Variants in MAML1 observed in about 807,000 individuals in gnomAD.
MAML1 encodes the protein mastermind-like protein 1.
MAML1 carries 14 observed loss-of-function variants against 77.1 expected under a neutral mutation model. The observed-to-expected ratio is 0.18, with a 90% CI of 0.12 to 0.28. The LOEUF (loss-of-function observed/expected upper bound fraction) is 0.28, where lower values mean the gene tolerates loss of function less well. Ranked by LOEUF, MAML1 falls within the 10% of genes least tolerant of loss-of-function variation. The pLI, the probability that MAML1 is intolerant of heterozygous loss-of-function variation, is 1.00. For synonymous variants in MAML1, 516 were observed against 551.9 expected, an observed-to-expected ratio of 0.93 and a Z score of 0.91; for missense variants, 1,217 against 1,327.8, an observed-to-expected ratio of 0.92 and a Z score of 1.30.
At position 179,776,512 on chromosome 5, in the gene MAML1, C is replaced by T. The variant is rs534753606; in HGVS notation, c.*1635C>T. ...GCCATTTCTCCTTAAAACACCTTCCCTACCTTTCCCATGTACTCAGTTTAG... is the reference window on the plus strand; with the variant it reads ...GCCATTTCTCCTTAAAACACCTTCCTTACCTTTCCCATGTACTCAGTTTAG... On this transcript the variant is annotated 3_prime_UTR_variant, in exon 5 of 5. Coordinates refer to ENST00000292599, the MANE Select transcript of MAML1 (RefSeq NM_014757.5). 7 of 985,768 alleles carry T rather than the reference C, an allele frequency of 7.1e-6. No homozygotes were observed. The East Asian group carries it at 6.8e-4, about 96-fold the overall frequency. The allele number at this position is 985,768 out of a possible 1,614,324, so 61.1% of individuals were successfully genotyped here. A position where few individuals can be genotyped will look rare whatever the true frequency, so the allele number is the denominator to read the frequency against.
chr5:179,772,603 AC>A (rs1756027222), intron 4 of MAML1, among the ~76,000 whole-genome samples: 1 of 151,934 alleles, frequency 6.6e-6, no homozygotes, highest in Non-Finnish European at 1.5e-5. Flanking sequence ...TTTCTCTTCC[AC>A]CCTCTGCTGT....
intron 1 of MAML1, among the ~76,000 whole-genome samples, chr5:179,751,769 G>C (rs554231675): frequency 2.0e-5 from 3 of 151,608 alleles, no homozygotes; most frequent in Admixed American, 6.6e-5. Flanking sequence ...CCCAGCACTT[G>C]GGGAGGCTGA....
rs540764516 is a variant in MAML1, at chr5:179,769,211, G to A, written c.1971+122G>A. ...GCGCAGACTTGCGTGCCTGTTGTTA[G>A]AGTGCTTTGCCTTTTAAAAACATCT... On this transcript the variant is annotated intron_variant, in intron 3 of 4. Coordinates refer to ENST00000292599, the MANE Select transcript of MAML1 (RefSeq NM_014757.5). The surrounding 1 kb of genome is among the most constrained non-coding windows in gnomAD (Gnocchi z 4.2). The A allele has an allele frequency of 1.3e-4, 181 of 1,389,394 alleles. No individual in the cohort carries two copies. The highest frequency in any genetic ancestry group is 1.6e-4 in the Non-Finnish European group (167 of 1,015,806). 86.1% of individuals were successfully genotyped at this position (1,389,394 alleles called of 1,614,324 possible).
chr5:179,765,204 G>C, intron 1 of MAML1, 122 bp from the exon 2 acceptor site: 2 of 780,452 alleles, frequency 2.6e-6, no homozygotes, highest in South Asian at 3.6e-5. Flanking sequence ...AGAAATGGGA[G>C]TGTACACTAT....
chr5:179,749,634 A>G (rs755427898), intron 1 of MAML1, among the ~76,000 whole-genome samples: 11 of 152,198 alleles, frequency 7.2e-5, no homozygotes, highest in Non-Finnish European at 1.2e-4. Context: ...CACCAAATTG[A>G]AAGACTAAAT....
chr5:179,735,804 C>T (rs1052767083), intron 1 of MAML1, among the ~76,000 whole-genome samples: 5 of 152,116 alleles, frequency 3.3e-5, no homozygotes, highest in Non-Finnish European at 5.9e-5. Flanking sequence ...TCTCCTGCCT[C>T]AGCTTCCTGA....
At position 179,766,425 on chromosome 5, in the gene MAML1, A is replaced by G; in HGVS notation, c.1415A>G (p.Lys472Arg). Reference sequence around the variant, plus strand: ...CTGCTCATGATGCCTAGTGTGAATAAGAGTTCCCCTCGGCCCGGAGGCCCC... The same window carrying G: ...CTGCTCATGATGCCTAGTGTGAATAGGAGTTCCCCTCGGCCCGGAGGCCCC... ...SKLLMMPSVN[K>R]SSPRPGGPYL... The change falls in exon 2 of 5, where the codon AAG becomes AGG. Residue 472 changes from lysine (K) to arginine (R), a missense_variant. Coordinates refer to ENST00000292599, the MANE Select transcript of MAML1 (RefSeq NM_014757.5). The surrounding 1 kb of genome is among the most constrained non-coding windows in gnomAD (Gnocchi z 4.0). 1 of 1,612,988 alleles carries G rather than the reference A, an allele frequency of 6.2e-7. No individual in the cohort carries two copies.
chr5:179,763,960 G>T (rs1219481113), intron 1 of MAML1, among the ~76,000 whole-genome samples: 1 of 152,182 alleles, frequency 6.6e-6, no homozygotes, highest in Admixed American at 6.5e-5. Flanking sequence ...CAGGAAAGGA[G>T]CAGCATGTGT....
intron 1 of MAML1, among the ~76,000 whole-genome samples, chr5:179,735,844 C>A (rs552212865): frequency 6.6e-6 from 1 of 151,940 alleles, no homozygotes; most frequent in East Asian, 1.9e-4. Flanking sequence ...CACACTACCA[C>A]GCTTGGCTTA....
chr5:179,753,881 A>G (rs1779559930), intron 1 of MAML1, among the ~76,000 whole-genome samples: 2 of 151,790 alleles, frequency 1.3e-5, no homozygotes, highest in Admixed American at 6.6e-5. Context: ...CATGTTGGTC[A>G]AGCTGGTCTC....
chr5:179,738,552 C>A (rs1028117027), intron 1 of MAML1, among the ~76,000 whole-genome samples: 16 of 152,228 alleles, frequency 1.1e-4, no homozygotes, highest in Middle Eastern at 3.4e-3. Flanking sequence ...CCCTTCCCAA[C>A]TGAGTCTTTC....
chr5:179,752,878 A>G (rs1327386365), intron 1 of MAML1, among the ~76,000 whole-genome samples: 1 of 152,108 alleles, frequency 6.6e-6, no homozygotes, highest in East Asian at 1.9e-4. Flanking sequence ...GATTCAAGTG[A>G]TTCTCCAGTC....
rs903060822 is a variant in MAML1 at position 179,761,049 on chromosome 5, G to A, written c.316-4277G>A. 4.0e-5 allele frequency among the ~76,000 whole-genome samples: 6 copies of A among 150,362 alleles called. No homozygotes were observed. In the East Asian group the frequency reaches 8.0e-4, roughly 20 times the overall value. ...GTGGAGCTTGCAGTGAGCCGAGATC[G>A]CGCCACTGCACTCCAGCCTGGGTGA... On this transcript the variant is annotated intron_variant, in intron 1 of 4. Transcript: ENST00000292599.
chr5:179,764,148 C>G (rs72807319), intron 1 of MAML1, among the ~76,000 whole-genome samples: 7,138 of 152,212 alleles, frequency 0.047, 242 homozygotes, highest in African/African-American at 0.086. Flanking sequence ...GTGTGCTGCT[C>G]TCACTCTGTA....
chr5:179,775,535 G>A lies in MAML1; in HGVS notation c.*658G>A, dbSNP rs1414718067. On this transcript the variant is annotated 3_prime_UTR_variant, in exon 5 of 5. Transcript: ENST00000292599. ...TGACTGCGTATGCCAAAAAGGGACA[G>A]GAGGCATGGGATAGCAGGTCTGGTG... 3.0e-6 allele frequency: 3 copies of A among 985,264 alleles called. No homozygotes were observed. The highest frequency in any genetic ancestry group is 3.6e-6 in the Non-Finnish European group (3 of 829,938). The allele number at this position is 985,264 out of a possible 1,614,324, so 61.0% of individuals were successfully genotyped here.
chr5:179,753,247 G>A (rs967428040), intron 1 of MAML1, among the ~76,000 whole-genome samples: 1 of 152,078 alleles, frequency 6.6e-6, no homozygotes, highest in African/African-American at 2.4e-5. Flanking sequence ...GCGTGCTGGG[G>A]TGAAGGAGTC....
At chr5:179,768,556 T>C (rs1244330841) in intron 2 of MAML1, among the ~76,000 whole-genome samples, 2 of 152,278 alleles carry the variant, frequency 1.3e-5, no homozygotes, top group Non-Finnish European at 2.9e-5. Flanking sequence ...CTGGAACTAT[T>C]GTGTGCAAAT....
Position 179,771,378 on chromosome 5 carries a change from G to T in MAML1, c.2068+135G>T. The T allele has an allele frequency of 2.9e-6, 2 of 696,898 alleles. No homozygotes were observed. The allele number at this position is 696,898 out of a possible 1,614,324, so 43.2% of individuals were successfully genotyped here. A position where few individuals can be genotyped will look rare whatever the true frequency, so the allele number is the denominator to read the frequency against. ...ATTGTCATCATATACACCTCAGTTT[G>T]CCTAAGGGGCCTGGTTTTCTAGTTA... On this transcript the variant is annotated intron_variant, in intron 4 of 4. Transcript: ENST00000292599. This position sits in a 1 kb window ranked among gnomAD's most constrained non-coding sequence, Gnocchi z 4.7.
In MAML1 at chr5:179,777,120, C is replaced by G; in HGVS notation, c.*2243C>G. 1.0e-6 allele frequency: 1 copy of G among 985,700 alleles called. No homozygotes were observed. Among genetic ancestry groups the G allele is most frequent in the Non-Finnish European group, 1.2e-6 (1 of 829,806 alleles). The allele number at this position is 985,700 out of a possible 1,614,324, so 61.1% of individuals were successfully genotyped here. ...GGGGGAGCTATGATAAGTTTTATGGCAAACGGTTGGTATTGTTAACTTTTT... is the reference window on the plus strand; with the variant it reads ...GGGGGAGCTATGATAAGTTTTATGGGAAACGGTTGGTATTGTTAACTTTTT... On this transcript the variant is annotated 3_prime_UTR_variant, in exon 5 of 5. Transcript: ENST00000292599.
Sources: gnomAD v4.1 joint callset for allele counts (sites outside exome capture counted in the v4.1 genomes callset) on GRCh38, gnomAD v4.1.1 for gene constraint, Gnocchi (gnomAD v3.1) non-coding constraint, MANE v1.5 for transcripts, NCBI Gene and HGNC (gene_info 2026-07-23, HGNC 2026-07-21) for gene names.